PDE4D: variants seen among roughly 807,000 people sequenced by gnomAD.
PDE4D encodes the protein 3',5'-cyclic-AMP phosphodiesterase 4D.
A neutral mutation model predicts 87.4 loss-of-function variants in PDE4D; 24 were observed. The observed-to-expected ratio is 0.27, with a 90% confidence interval of 0.20 to 0.39. PDE4D has a LOEUF of 0.39. Among genes scored for constraint, PDE4D ranks in the 10% least tolerant of loss-of-function variants. The probability of loss-of-function intolerance (pLI) is 1.00; values close to 1 mark genes in which losing one functional copy is unlikely to be tolerated. For synonymous variants in PDE4D, 384 were observed against 383.2 expected, an observed-to-expected ratio of 1.00 and a Z score of -0.02; for missense variants, 714 against 1,041.0, an observed-to-expected ratio of 0.69 and a Z score of 4.32.
intron 5 of PDE4D, among the ~76,000 whole-genome samples, chr5:59,171,882 AT>A (rs1782843822): frequency 7.8e-6 from 1 of 128,878 alleles, no homozygotes; most frequent in African/African-American, 3.1e-5. Flanking sequence ...TGAGAAATAT[AT>A]TTATTATATA....
intron 1 of PDE4D, among the ~76,000 whole-genome samples, chr5:59,795,358 G>T (rs1274712998): frequency 6.6e-6 from 1 of 152,112 alleles, no homozygotes; most frequent in Non-Finnish European, 1.5e-5. Flanking sequence ...AGAAGGAAAA[G>T]GAAAGTGGGA....
At chr5:60,345,295 G>A (rs1037833032) in intron 1 of PDE4D, among the ~76,000 whole-genome samples, 22 of 151,926 alleles carry the variant, frequency 1.4e-4, no homozygotes, top group Admixed American at 1.0e-3. Flanking sequence ...GGGGCCTGTC[G>A]TGGGGTGGGG....
At chr5:59,876,203 C>T (rs566000111) in intron 1 of PDE4D, among the ~76,000 whole-genome samples, 12 of 152,240 alleles carry the variant, frequency 7.9e-5, no homozygotes, top group South Asian at 2.1e-4. Context: ...ATATTTTCCA[C>T]GGTCTGTTGA....
At chr5:60,001,609 G>T (rs940915145) in intron 2 of PDE4D, among the ~76,000 whole-genome samples, 4 of 152,120 alleles carry the variant, frequency 2.6e-5, no homozygotes, top group Non-Finnish European at 4.4e-5. Flanking sequence ...ATACTTGCAT[G>T]TGGTAATGGT....
At chr5:60,248,905 C>T (rs1748103614) in intron 1 of PDE4D, among the ~76,000 whole-genome samples, 1 of 152,014 alleles carries the variant, frequency 6.6e-6, no homozygotes, top group Admixed American at 6.6e-5. Flanking sequence ...CTCAGAACAA[C>T]AGCAGCATAC....
intron 1 of PDE4D, among the ~76,000 whole-genome samples, chr5:59,508,862 C>T (rs913312658): frequency 6.6e-6 from 1 of 151,830 alleles, no homozygotes. Flanking sequence ...AGCCAGAAAA[C>T]ATATATGAAT....
At chr5:60,106,168 C>A (rs369197027) in intron 2 of PDE4D, among the ~76,000 whole-genome samples, 1 of 151,392 alleles carries the variant, frequency 6.6e-6, no homozygotes, top group Non-Finnish European at 1.5e-5. Flanking sequence ...GGAAGATCTA[C>A]CAAGCAAATG....
chr5:59,868,468 T>G (rs1747363582), intron 1 of PDE4D, among the ~76,000 whole-genome samples: 1 of 152,088 alleles, frequency 6.6e-6, no homozygotes, highest in African/African-American at 2.4e-5. Flanking sequence ...ACAAATGACA[T>G]GTTGGTGTTA....
chr5:59,414,653 A>G (rs1041227743), intron 1 of PDE4D, among the ~76,000 whole-genome samples: 6 of 152,262 alleles, frequency 3.9e-5, no homozygotes, highest in African/African-American at 1.4e-4. Flanking sequence ...TCACTAGCTC[A>G]TACAGAAAAT....
chr5:60,020,443 C>T (rs1342796435), intron 2 of PDE4D, among the ~76,000 whole-genome samples: 1 of 152,022 alleles, frequency 6.6e-6, no homozygotes, highest in African/African-American at 2.4e-5. Flanking sequence ...TGTCAAGCAC[C>T]ATAAAGCAAA....
intron 1 of PDE4D, among the ~76,000 whole-genome samples, chr5:60,487,124 T>C (rs1463717774): frequency 6.6e-6 from 1 of 152,194 alleles, no homozygotes. Flanking sequence ...TGTTTTCTGG[T>C]TTTCCACTTC....
At chr5:59,816,600 G>A (rs528620425) in intron 1 of PDE4D, among the ~76,000 whole-genome samples, 12 of 152,260 alleles carry the variant, frequency 7.9e-5, no homozygotes, top group Admixed American at 2.6e-4. Context: ...GTCTTTGGTC[G>A]TCTTTTTGGG....
chr5:59,699,115 A>G (rs572799040), intron 1 of PDE4D, among the ~76,000 whole-genome samples: 3 of 152,228 alleles, frequency 2.0e-5, no homozygotes, highest in Non-Finnish European at 4.4e-5. Flanking sequence ...TTTCATTTCT[A>G]CTGTTTCTCA....
intron 1 of PDE4D, among the ~76,000 whole-genome samples, chr5:59,858,892 A>G (rs1745846324): frequency 6.6e-6 from 1 of 152,174 alleles, no homozygotes; most frequent in African/African-American, 2.4e-5. Flanking sequence ...ACAAGAATGA[A>G]TGTAAGTTTT....
At chr5:59,632,432 C>T (rs1351670440) in intron 1 of PDE4D, among the ~76,000 whole-genome samples, 7 of 152,236 alleles carry the variant, frequency 4.6e-5, no homozygotes, top group Non-Finnish European at 1.0e-4. Context: ...CCCCTGACCC[C>T]TGTGCCTCCC....
intron 2 of PDE4D, among the ~76,000 whole-genome samples, chr5:60,078,070 T>C (rs1356984763): frequency 2.0e-5 from 3 of 152,146 alleles, no homozygotes; most frequent in Non-Finnish European, 2.9e-5. Context: ...TGGGAGATGT[T>C]CCTTCTGGCT....
chr5:60,086,994 T>G (rs763637781), intron 2 of PDE4D, among the ~76,000 whole-genome samples: 3 of 152,200 alleles, frequency 2.0e-5, no homozygotes, highest in Non-Finnish European at 2.9e-5. Flanking sequence ...AGCTTTCCCC[T>G]GGCCCAGAAA....
chr5:59,332,082 T>G (rs1040561351), intron 1 of PDE4D, among the ~76,000 whole-genome samples: 2 of 152,238 alleles, frequency 1.3e-5, no homozygotes, highest in South Asian at 4.1e-4. Flanking sequence ...TGATAAATCA[T>G]TCACTGAGTT....
At position 59,130,074 on chromosome 5, in the gene PDE4D, C is replaced by T. The variant is rs576971587; in HGVS notation, c.808+50521G>A. Among the ~76,000 whole-genome samples, 61 of 152,252 alleles carry T rather than the reference C, an allele frequency of 4.0e-4. 1 individual carries two copies. The highest frequency in any genetic ancestry group is 1.2e-3 in the South Asian group (6 of 4,810). Reference sequence around the variant, plus strand: ...AGTATTTCCCCCCTTATAACCAGAGCTGTTCCTCAGTACCACTAAAATTGG... The same window carrying T: ...AGTATTTCCCCCCTTATAACCAGAGTTGTTCCTCAGTACCACTAAAATTGG... On this transcript the variant is annotated intron_variant, in intron 5 of 14. Transcript: ENST00000340635.
Sources: gnomAD v4.1 joint callset for allele counts (sites outside exome capture counted in the v4.1 genomes callset) on GRCh38, gnomAD v4.1.1 for gene constraint, MANE v1.5 for transcripts, NCBI Gene and HGNC (gene_info 2026-07-23, HGNC 2026-07-21) for gene names.